The following KCNH7 variants were observed in gnomAD, a reference collection of about 807,000 sequenced individuals.
KCNH7 encodes the protein voltage-gated inwardly rectifying potassium channel KCNH7.
In KCNH7, 49 loss-of-function variants were observed where a neutral mutation model predicts 120.8. The observed-to-expected ratio is 0.41, with a 90% confidence interval of 0.32 to 0.51. KCNH7 has a LOEUF of 0.51. Among genes scored for constraint, KCNH7 ranks in the 20% least tolerant of loss-of-function variants. The probability of loss-of-function intolerance (pLI) is 0.38; values close to 1 mark genes in which losing one functional copy is unlikely to be tolerated. For missense variants in KCNH7, 1,097 were observed against 1,446.6 expected (o/e 0.76, Z 3.92); for synonymous variants, 547 against 516.1 (o/e 1.06, Z -0.81).
chr2:162,512,646 T>A lies in KCNH7; in HGVS notation c.913+8A>T. The A allele has an allele frequency of 6.2e-7, 1 of 1,608,774 alleles. No homozygotes were observed. The highest frequency in any genetic ancestry group is 2.2e-5 in the East Asian group (1 of 44,734). On this transcript the variant is annotated splice_region_variant and intron_variant, in intron 5 of 15. Coordinates refer to ENST00000332142, the MANE Select transcript of KCNH7 (RefSeq NM_033272.4). The stretch of plus-strand genomic sequence containing the variant: ...CATCAGATGGTGAAATTTGAGTTTG[T>A]ACATTACCTTTGACATTGCGACCAT...
intron 5 of KCNH7, among the ~76,000 whole-genome samples, chr2:162,507,900 C>T (rs1690938150): frequency 6.6e-6 from 1 of 151,480 alleles, no homozygotes; most frequent in Admixed American, 6.6e-5. Context: ...TCCTGCTGTA[C>T]CATTTTATCT....
chr2:162,454,180 C>A (rs867139585), intron 6 of KCNH7, among the ~76,000 whole-genome samples: 10 of 152,084 alleles, frequency 6.6e-5, no homozygotes, highest in African/African-American at 2.4e-4. Flanking sequence ...TATGGCTAGC[C>A]AGTTTTCCCA....
chr2:162,582,156 T>C (rs1401535743), intron 2 of KCNH7, among the ~76,000 whole-genome samples: 1 of 152,080 alleles, frequency 6.6e-6, no homozygotes, highest in Non-Finnish European at 1.5e-5. Context: ...AGATTACCCC[T>C]GCTGGAATAG....
chr2:162,835,947 C>T (rs532575301), intron 2 of KCNH7, among the ~76,000 whole-genome samples: 8 of 152,136 alleles, frequency 5.3e-5, no homozygotes, highest in African/African-American at 1.9e-4. Flanking sequence ...TATTTCAGGA[C>T]AAATCTTGAC....
intron 9 of KCNH7, among the ~76,000 whole-genome samples, chr2:162,404,626 G>T (rs938307490): frequency 1.3e-5 from 2 of 151,852 alleles, no homozygotes; most frequent in Non-Finnish European, 2.9e-5. Context: ...TGACATATCT[G>T]CTCCCTTTTC....
chr2:162,724,488 A>T (rs10190764), intron 2 of KCNH7, among the ~76,000 whole-genome samples: 3 of 150,446 alleles, frequency 2.0e-5, no homozygotes, highest in Non-Finnish European at 3.0e-5. Flanking sequence ...CCGGCTAAAA[A>T]GGTGAAACCC....
intron 2 of KCNH7, among the ~76,000 whole-genome samples, chr2:162,618,635 T>C (rs1408789528): frequency 2.0e-5 from 3 of 152,186 alleles, no homozygotes; most frequent in Non-Finnish European, 2.9e-5. Flanking sequence ...CATTTTTGTG[T>C]CTTATTTTTC....
At chr2:162,387,798 C>G (rs1686620356) in intron 12 of KCNH7, among the ~76,000 whole-genome samples, 1 of 151,770 alleles carries the variant, frequency 6.6e-6, no homozygotes, top group African/African-American at 2.4e-5. Context: ...AATGGAACGA[C>G]TGACCCATTT....
Position 162,537,013 on chromosome 2 carries a change from G to A in KCNH7, c.375C>T (p.Phe125=). The A allele has an allele frequency of 6.2e-7, 1 of 1,612,634 alleles. No homozygotes were observed. The highest frequency in any genetic ancestry group is 8.5e-7 in the Non-Finnish European group (1 of 1,179,016). ...CCGTCACATATTCAAAATTAATGAT[G>A]AACATCATAGCCACGCCCTCTTGGT... ...VKNQEGVAMM[F]IINFEYVTDN... is the part of the protein sequence containing the mutation. The change falls in exon 3 of 16, where the codon TTC becomes TTT. Residue 125 remains phenylalanine, a synonymous_variant. Coordinates refer to ENST00000332142, the MANE Select transcript of KCNH7 (RefSeq NM_033272.4).
intron 2 of KCNH7, among the ~76,000 whole-genome samples, chr2:162,764,647 G>A (rs1381388284): frequency 1.3e-5 from 2 of 151,918 alleles, no homozygotes; most frequent in Admixed American, 6.6e-5. Flanking sequence ...AAACTGACAG[G>A]GAATAAACAA....
chr2:162,814,712 A>G (rs1293824922), intron 2 of KCNH7, among the ~76,000 whole-genome samples: 5 of 152,002 alleles, frequency 3.3e-5, no homozygotes, highest in Non-Finnish European at 5.9e-5. Flanking sequence ...ACACCGAAGA[A>G]CTCATCCTTC....
chr2:162,543,041 T>C (rs1234648911), intron 2 of KCNH7, among the ~76,000 whole-genome samples: 1 of 152,124 alleles, frequency 6.6e-6, no homozygotes, highest in African/African-American at 2.4e-5. Context: ...CCCACTTGCA[T>C]GTGGGAGGCT....
chr2:162,729,036 C>T (rs1036012297), intron 2 of KCNH7, among the ~76,000 whole-genome samples: 28 of 151,674 alleles, frequency 1.8e-4, no homozygotes, highest in African/African-American at 6.3e-4. Flanking sequence ...ACTGTTACAG[C>T]GCCATTTGTT....
chr2:162,807,330 G>C (rs1684585234), intron 2 of KCNH7, among the ~76,000 whole-genome samples: 1 of 150,676 alleles, frequency 6.6e-6, no homozygotes, highest in Non-Finnish European at 1.5e-5. Flanking sequence ...CCAGCTACTG[G>C]AGAGGCTGAG....
chr2:162,826,080 T>G (rs535705800), intron 2 of KCNH7, among the ~76,000 whole-genome samples: 11 of 152,106 alleles, frequency 7.2e-5, no homozygotes, highest in African/African-American at 2.7e-4. Flanking sequence ...ATGTGACTGA[T>G]GAAGTGTCTT....
At chr2:162,618,668 T>C (rs1559047362) in intron 2 of KCNH7, among the ~76,000 whole-genome samples, 3 of 152,182 alleles carry the variant, frequency 2.0e-5, no homozygotes, top group African/African-American at 7.2e-5. Flanking sequence ...CTCTACAAAT[T>C]TATGTTTATT....
chr2:162,699,583 C>G (rs1686416238), intron 2 of KCNH7, among the ~76,000 whole-genome samples: 1 of 152,106 alleles, frequency 6.6e-6, no homozygotes, highest in South Asian at 2.1e-4. Flanking sequence ...GGGTTCTTTA[C>G]TTCATATTGA....
At chr2:162,588,813 C>A (rs569920076) in intron 2 of KCNH7, among the ~76,000 whole-genome samples, 5 of 152,174 alleles carry the variant, frequency 3.3e-5, no homozygotes, top group Non-Finnish European at 5.9e-5. Context: ...TGGTATAGAA[C>A]ATTAGAAGGT....
intron 2 of KCNH7, among the ~76,000 whole-genome samples, chr2:162,587,564 C>T (rs181471363): frequency 3.9e-4 from 59 of 152,068 alleles, no homozygotes; most frequent in Non-Finnish European, 5.9e-4. Context: ...AGAAAAAACA[C>T]GTTTATATTT....
Sources: allele counts gnomAD v4.1 joint callset (sites outside exome capture counted in the v4.1 genomes callset), GRCh38; gene constraint gnomAD v4.1.1; transcripts MANE v1.5; gene names NCBI Gene and HGNC (gene_info 2026-07-23, HGNC 2026-07-21).